SLC35F3: variants seen among roughly 807,000 people sequenced by gnomAD.
SLC35F3 encodes solute carrier family 35 member F3.
A neutral mutation model predicts 49.9 loss-of-function variants in SLC35F3; 25 were observed. The observed-to-expected ratio is 0.50, with a 90% confidence interval of 0.37 to 0.70. The LOEUF (loss-of-function observed/expected upper bound fraction) is 0.70, where lower values mean the gene tolerates loss of function less well. Ranked by LOEUF, SLC35F3 falls within the 30% of genes least tolerant of loss-of-function variation. The probability of loss-of-function intolerance (pLI) is 0.00; values close to 1 mark genes in which losing one functional copy is unlikely to be tolerated. For missense variants in SLC35F3, 525 were observed against 639.8 expected (o/e 0.82, Z 1.94); for synonymous variants, 275 against 265.4 (o/e 1.04, Z -0.35).
chr1:234,120,964 G>C (rs1665561704), intron 2 of SLC35F3, among the ~76,000 whole-genome samples: 1 of 151,836 alleles, frequency 6.6e-6, no homozygotes, highest in African/African-American at 2.4e-5. Context: ...TTAGCATTTG[G>C]TCTCTTTTGG....
At chr1:234,205,652 G>T (rs570404811) in intron 2 of SLC35F3, among the ~76,000 whole-genome samples, 253 of 152,334 alleles carry the variant, frequency 1.7e-3, no homozygotes, top group Middle Eastern at 6.8e-3. Flanking sequence ...AAGAAACTCT[G>T]CCAAGAGTCA....
At chr1:234,045,127 C>T (rs1444415772) in intron 2 of SLC35F3, among the ~76,000 whole-genome samples, 1 of 152,114 alleles carries the variant, frequency 6.6e-6, no homozygotes, top group East Asian at 1.9e-4. Flanking sequence ...GTATGTGTCT[C>T]CTATAGCTGA....
chr1:233,934,892 G>A (rs1662299328), intron 2 of SLC35F3, among the ~76,000 whole-genome samples: 1 of 151,078 alleles, frequency 6.6e-6, no homozygotes, highest in African/African-American at 2.4e-5. Flanking sequence ...GGATGATCAA[G>A]ATAGCTTACA....
intron 2 of SLC35F3, among the ~76,000 whole-genome samples, chr1:234,182,405 A>G (rs186240565): frequency 6.6e-6 from 1 of 152,372 alleles, no homozygotes; most frequent in African/African-American, 2.4e-5. Flanking sequence ...TGTGTCTTTC[A>G]GTAAGAAACA....
At chr1:233,927,514 C>A (rs1003047886) in intron 2 of SLC35F3, among the ~76,000 whole-genome samples, 1 of 152,126 alleles carries the variant, frequency 6.6e-6, no homozygotes, top group African/African-American at 2.4e-5. Flanking sequence ...AAAAAAATTT[C>A]CGTCCATTTT....
At position 234,153,558 on chromosome 1, in the gene SLC35F3, A is replaced by G. The variant is rs76903126; in HGVS notation, c.284-77859A>G. ...TGGTAGTATTAGGGGTGTTATTCAG[A>G]GGCTGTTGAGTAACATAAAACAAAT... On this transcript the variant is annotated intron_variant, in intron 2 of 7. Coordinates refer to ENST00000366618, the MANE Select transcript of SLC35F3 (RefSeq NM_173508.4). Among the ~76,000 whole-genome samples the G allele has an allele frequency of 7.3e-3, 1,114 of 152,348 alleles. 20 individuals are homozygous for G. The highest frequency in any genetic ancestry group is 0.024 in the African/African-American group (1,004 of 41,580).
intron 2 of SLC35F3, among the ~76,000 whole-genome samples, chr1:234,223,870 G>A (rs751791659): frequency 6.6e-6 from 1 of 152,098 alleles, no homozygotes; most frequent in Non-Finnish European, 1.5e-5. Context: ...TAGTTTCTGG[G>A]GAGGGCTCTC....
intron 3 of SLC35F3, among the ~76,000 whole-genome samples, chr1:234,232,008 G>T (rs1667386868): frequency 1.3e-5 from 2 of 152,162 alleles, no homozygotes; most frequent in African/African-American, 2.4e-5. Flanking sequence ...TCCAGAGACG[G>T]CAAGTAGTAG....
Position 234,091,164 on chromosome 1 carries a change from G to A in SLC35F3, c.284-140253G>A, listed in dbSNP as rs575245654. 3.4e-4 allele frequency among the ~76,000 whole-genome samples: 52 copies of A among 152,076 alleles called. 1 individual carries two copies. The South Asian group carries it at 5.6e-3, about 16-fold the overall frequency. On this transcript the variant is annotated intron_variant, in intron 2 of 7. Transcript: ENST00000366618. Reference sequence around the variant, plus strand: ...TTTCCTTCATTCATTCCCACTAACCGAACTCCTACACCTTCTTGGAAATAA... The same window carrying A: ...TTTCCTTCATTCATTCCCACTAACCAAACTCCTACACCTTCTTGGAAATAA...
At chr1:234,127,687 T>C (rs922559620) in intron 2 of SLC35F3, among the ~76,000 whole-genome samples, 1 of 152,202 alleles carries the variant, frequency 6.6e-6, no homozygotes, top group Non-Finnish European at 1.5e-5. Context: ...AATATGCAAG[T>C]ATTACCATAA....
intron 2 of SLC35F3, among the ~76,000 whole-genome samples, chr1:234,222,297 A>G (rs1394734639): frequency 1.3e-5 from 2 of 152,170 alleles, no homozygotes; most frequent in Admixed American, 6.5e-5. Context: ...TTGGTTCAGA[A>G]TGTCTATCCT....
intron 2 of SLC35F3, among the ~76,000 whole-genome samples, chr1:234,033,179 T>C (rs1265021819): frequency 6.6e-6 from 1 of 152,322 alleles, no homozygotes; most frequent in East Asian, 1.9e-4. Context: ...TCTATACATG[T>C]CCTTAGCCCA....
chr1:234,064,769 A>G (rs1664591560), intron 2 of SLC35F3, among the ~76,000 whole-genome samples: 1 of 152,192 alleles, frequency 6.6e-6, no homozygotes, highest in African/African-American at 2.4e-5. Context: ...TAGTTCAGGC[A>G]TCATAGTACC....
intron 2 of SLC35F3, among the ~76,000 whole-genome samples, chr1:233,980,052 G>A (rs1396097370): frequency 6.6e-6 from 1 of 152,212 alleles, no homozygotes; most frequent in Non-Finnish European, 1.5e-5. Flanking sequence ...GGACTGGTAT[G>A]TTTGAGTTCC....
At position 233,948,546 on chromosome 1, in the gene SLC35F3, CTTTTT is replaced by C. The variant is rs199796352; in HGVS notation, c.283+42796_283+42800del. 9.0e-5 allele frequency among the ~76,000 whole-genome samples: 13 copies of C among 143,736 alleles called. No individual in the cohort carries two copies. The East Asian group carries it at 2.7e-3, about 29-fold the overall frequency. The allele number at this position is 143,736 out of a possible 152,430, so 94.3% of individuals were successfully genotyped here. ...TGGTGGAAAGTTAGGTAAGGCGTTTCTTTTTTTTTTTTCTTTTTTTAATTTTTTAT... is the reference window on the plus strand; with the variant it reads ...TGGTGGAAAGTTAGGTAAGGCGTTTCTTTTTTTCTTTTTTTAATTTTTTAT... On this transcript the variant is annotated intron_variant, in intron 2 of 7. Coordinates refer to ENST00000366618, the MANE Select transcript of SLC35F3 (RefSeq NM_173508.4).
At chr1:233,979,055 A>C (rs1383159215) in intron 2 of SLC35F3, among the ~76,000 whole-genome samples, 1 of 151,718 alleles carries the variant, frequency 6.6e-6, no homozygotes, top group Non-Finnish European at 1.5e-5. Flanking sequence ...AAAAAAAAAC[A>C]AAAAGCAAAA....
chr1:234,154,036 T>C (rs1666115038), intron 2 of SLC35F3, among the ~76,000 whole-genome samples: 1 of 148,950 alleles, frequency 6.7e-6, no homozygotes, highest in East Asian at 2.0e-4. Flanking sequence ...CACTCCAGCC[T>C]GGGCAACAGA....
At chr1:234,094,474 G>T (rs1665089116) in intron 2 of SLC35F3, among the ~76,000 whole-genome samples, 1 of 152,200 alleles carries the variant, frequency 6.6e-6, no homozygotes, top group Admixed American at 6.5e-5. Flanking sequence ...TATCAGAGAG[G>T]CTGTCTTGGG....
intron 2 of SLC35F3, among the ~76,000 whole-genome samples, chr1:233,911,416 A>G (rs780085667): frequency 2.6e-5 from 4 of 152,188 alleles, no homozygotes; most frequent in Non-Finnish European, 4.4e-5. Context: ...AAAGAGTTAG[A>G]GGGCTTGAGG....
Sources: gnomAD v4.1 joint callset for allele counts (sites outside exome capture counted in the v4.1 genomes callset) on GRCh38, gnomAD v4.1.1 for gene constraint, MANE v1.5 for transcripts, NCBI Gene and HGNC (gene_info 2026-07-23, HGNC 2026-07-21) for gene names.